Variants in NEMP2 observed in about 807,000 individuals in gnomAD.
NEMP2 encodes the protein nuclear envelope integral membrane protein 2.
A neutral mutation model predicts 54.2 loss-of-function variants in NEMP2; 53 were observed. The observed-to-expected ratio is 0.98, with a 90% CI of 0.78 to 1.23. The LOEUF (loss-of-function observed/expected upper bound fraction) is 1.23, where lower values mean the gene tolerates loss of function less well. NEMP2 is among the 50% of genes most tolerant of loss of function. NEMP2 has a pLI of 0.00. For missense variants in NEMP2, 455 were observed against 511.3 expected (o/e 0.89, Z 1.06); for synonymous variants, 197 against 190.3 (o/e 1.04, Z -0.29).
chr2:190,575,381 A>G, the NEMP2 span, among the ~76,000 whole-genome samples: 14 of 151,718 alleles, frequency 9.2e-5, no homozygotes, highest in African/African-American at 3.1e-4. Context: ...GTATAATACT[A>G]AAGGTTAAAA....
chr2:190,635,598 AT>A, the NEMP2 span, among the ~76,000 whole-genome samples: 2 of 152,078 alleles, frequency 1.3e-5, no homozygotes, highest in Non-Finnish European at 2.9e-5. This position sits in a 1 kb window ranked among gnomAD's most constrained non-coding sequence, Gnocchi z 4.1. Flanking sequence ...TATTTCATTC[AT>A]TTTCAGAGCT....
At chr2:190,535,534 C>A (rs1691347192), upstream of NEMP2, among the ~76,000 whole-genome samples, 1 of 152,152 alleles carries the variant, frequency 6.6e-6, no homozygotes. Flanking sequence ...CTCAATATTC[C>A]ATACTTAACT....
chr2:190,433,582 T>C, the NEMP2 span, among the ~76,000 whole-genome samples: 7 of 152,364 alleles, frequency 4.6e-5, no homozygotes, highest in South Asian at 1.4e-3. This position sits in a 1 kb window ranked among gnomAD's most constrained non-coding sequence, Gnocchi z 4.5. Context: ...TTGTTCACTT[T>C]CAAAATGGTT....
At chr2:190,471,687 A>G in the NEMP2 span, among the ~76,000 whole-genome samples, 1 of 152,210 alleles carries the variant, frequency 6.6e-6, no homozygotes, top group African/African-American at 2.4e-5. This position sits in a 1 kb window ranked among gnomAD's most constrained non-coding sequence, Gnocchi z 4.7. Flanking sequence ...GCCAAACAAA[A>G]GGCAGCAGAA....
the NEMP2 span, among the ~76,000 whole-genome samples, chr2:190,431,624 A>G: frequency 6.6e-6 from 1 of 152,320 alleles, no homozygotes; most frequent in Non-Finnish European, 1.5e-5. This position sits in a 1 kb window ranked among gnomAD's most constrained non-coding sequence, Gnocchi z 4.4. Flanking sequence ...GGAATCAGGC[A>G]GGGAGGTTGC....
At chr2:190,501,999 T>G (rs1285555085), downstream of NEMP2, 1 of 152,680 alleles carries the variant, frequency 6.5e-6, no homozygotes, top group Non-Finnish European at 1.5e-5. Context: ...TTTACAGTTC[T>G]GATTTATTCC....
chr2:190,577,473 C>T, the NEMP2 span, among the ~76,000 whole-genome samples: 3,385 of 152,084 alleles, frequency 0.022, 62 homozygotes, highest in Non-Finnish European at 0.032. This position sits in a 1 kb window ranked among gnomAD's most constrained non-coding sequence, Gnocchi z 4.8. Flanking sequence ...GATTAAAGGA[C>T]CCTCATTTTT....
At chr2:190,634,651 C>G in the NEMP2 span, among the ~76,000 whole-genome samples, 1 of 152,186 alleles carries the variant, frequency 6.6e-6, no homozygotes, top group East Asian at 1.9e-4. The surrounding 1 kb of genome is among the most constrained non-coding windows in gnomAD (Gnocchi z 6.8). Flanking sequence ...ATCAGGCATT[C>G]CCTATTCAAA....
the NEMP2 span, among the ~76,000 whole-genome samples, chr2:190,434,197 A>AG: frequency 6.8e-6 from 1 of 147,124 alleles, no homozygotes; most frequent in Non-Finnish European, 1.5e-5. This position sits in a 1 kb window ranked among gnomAD's most constrained non-coding sequence, Gnocchi z 4.3. Flanking sequence ...AAAAAAAAAG[A>AG]AAAAAAAGAA....
At chr2:190,569,089 G>C in the NEMP2 span, among the ~76,000 whole-genome samples, 1 of 152,170 alleles carries the variant, frequency 6.6e-6, no homozygotes, top group East Asian at 1.9e-4. Flanking sequence ...TTTTGGGAAT[G>C]GAAATGGAAT....
At chr2:190,495,028 G>A in the NEMP2 span, among the ~76,000 whole-genome samples, 13 of 152,218 alleles carry the variant, frequency 8.5e-5, 2 homozygotes, top group African/African-American at 2.9e-4. The surrounding 1 kb of genome is among the most constrained non-coding windows in gnomAD (Gnocchi z 4.7). Context: ...GGAAATAAAG[G>A]GCATCCAAAT....
chr2:190,447,437 T>G, the NEMP2 span, among the ~76,000 whole-genome samples: 2 of 152,192 alleles, frequency 1.3e-5, no homozygotes, highest in Non-Finnish European at 2.9e-5. This position sits in a 1 kb window ranked among gnomAD's most constrained non-coding sequence, Gnocchi z 4.5. Flanking sequence ...ATTCCTGTAC[T>G]GCTAAGTCCT....
chr2:190,563,603 A>G, the NEMP2 span, among the ~76,000 whole-genome samples: 1 of 152,194 alleles, frequency 6.6e-6, no homozygotes, highest in East Asian at 1.9e-4. The surrounding 1 kb of genome is among the most constrained non-coding windows in gnomAD (Gnocchi z 4.3). Context: ...CACAACGTAT[A>G]TGTATACACT....
At chr2:190,638,262 A>G in the NEMP2 span, among the ~76,000 whole-genome samples, 5 of 152,172 alleles carry the variant, frequency 3.3e-5, no homozygotes, top group East Asian at 5.8e-4. The surrounding 1 kb of genome is among the most constrained non-coding windows in gnomAD (Gnocchi z 5.7). Context: ...TTGTCCTCAC[A>G]TTGTCCATCT....
At chr2:190,546,160 G>A in the NEMP2 span, among the ~76,000 whole-genome samples, 1 of 152,210 alleles carries the variant, frequency 6.6e-6, no homozygotes, top group East Asian at 1.9e-4. This position sits in a 1 kb window ranked among gnomAD's most constrained non-coding sequence, Gnocchi z 5.1. Context: ...TACACAGTCA[G>A]CCCCTCCATA....
At chr2:190,445,865 T>A in the NEMP2 span, among the ~76,000 whole-genome samples, 5 of 152,140 alleles carry the variant, frequency 3.3e-5, no homozygotes, top group African/African-American at 1.2e-4. Flanking sequence ...AAGGTCATTT[T>A]TTTTCCTTTA....
Position 190,514,749 on chromosome 2 carries a change from C to A in NEMP2, c.728-71G>T. 1 of 1,415,926 alleles carries A rather than the reference C, an allele frequency of 7.1e-7. No individual in the cohort carries two copies. The highest frequency in any genetic ancestry group is 9.7e-7 in the Non-Finnish European group (1 of 1,031,364). 87.7% of individuals were successfully genotyped at this position (1,415,926 alleles called of 1,614,324 possible). ...CATTATGTGAAAAACCTGGCAGAGCCTTGACTTAAAGGTAAAAACTATTAG... is the reference window on the plus strand; with the variant it reads ...CATTATGTGAAAAACCTGGCAGAGCATTGACTTAAAGGTAAAAACTATTAG... On this transcript the variant is annotated intron_variant, in intron 6 of 8. Coordinates refer to ENST00000409150, the MANE Select transcript of NEMP2 (RefSeq NM_001142645.2). This position sits in a 1 kb window ranked among gnomAD's most constrained non-coding sequence, Gnocchi z 5.7.
upstream of NEMP2, among the ~76,000 whole-genome samples, chr2:190,535,301 T>G (rs1331824033): frequency 6.6e-6 from 1 of 152,212 alleles, no homozygotes; most frequent in Non-Finnish European, 1.5e-5. Flanking sequence ...ATGTCTAATC[T>G]CGGACACGGC....
chr2:190,517,573 C>T lies in NEMP2; in HGVS notation c.559G>A (p.Val187Ile), dbSNP rs1690605570. The T allele has an allele frequency of 1.3e-6, 2 of 1,550,536 alleles. No individual in the cohort carries two copies. Among genetic ancestry groups the T allele is most frequent in the Non-Finnish European group, 1.7e-6 (2 of 1,146,516 alleles). ...AAGACAAAGACTAATGTCATTAGAA[C>T]ACCTAGCACAGTTCCCGAGGAGTAA... ...FYYSSGTVLG[V>I]LMTLVFVLLL... is the part of the protein sequence containing the mutation. The change falls in exon 5 of 9, where the codon GTT becomes ATT. Residue 187 changes from valine (V) to isoleucine (I), a missense_variant. Physicochemically the swap from Val to Ile is conservative, Grantham distance 29. This residue lies in a region of NEMP2 where 294 missense variants were observed against 333.6 expected (regional missense o/e 0.88). Coordinates refer to ENST00000409150, the MANE Select transcript of NEMP2 (RefSeq NM_001142645.2).
Sources: gnomAD v4.1 joint callset for allele counts (sites outside exome capture counted in the v4.1 genomes callset) on GRCh38, gnomAD v4.1.1 for gene constraint, gnomAD v4.1.1 regional missense constraint, Gnocchi (gnomAD v3.1) non-coding constraint, MANE v1.5 for transcripts, NCBI Gene and HGNC (gene_info 2026-07-23, HGNC 2026-07-21) for gene names.